Variants in MIAT observed in about 807,000 individuals in gnomAD.
MIAT encodes MI related novel mRNA.
At chr22:26,653,925 A>G (rs1930380059) in intron 2 of MIAT, among the ~76,000 whole-genome samples, 1 of 152,174 alleles carries the variant, frequency 6.6e-6, no homozygotes, top group Non-Finnish European at 1.5e-5. Flanking sequence ...TTTTTAGTAG[A>G]GACAGAGTTT....
At chr22:26,647,352 G>T in intron 2 of MIAT, 1 of 285,402 alleles carries the variant, frequency 3.5e-6, no homozygotes, top group African/African-American at 2.4e-5. Flanking sequence ...TTAGTTGTGG[G>T]GGCGGCGGGG....
chr22:26,672,560 T>C (rs1194182961), downstream of MIAT: 1 of 399,182 alleles, frequency 2.5e-6, no homozygotes, highest in Non-Finnish European at 4.4e-6. Context: ...GACTCTAGAC[T>C]GTGGAGCTCT....
exon 5 of MIAT, chr22:26,675,682 G>C (rs1931236379): frequency 2.5e-6 from 1 of 398,662 alleles, no homozygotes; most frequent in Non-Finnish European, 4.4e-6. Context: ...GTCATCCCAT[G>C]GTGGTGGGAA....
At chr22:26,664,556 C>T (rs528338607) in intron 3 of MIAT, among the ~76,000 whole-genome samples, 12 of 152,168 alleles carry the variant, frequency 7.9e-5, no homozygotes, top group Non-Finnish European at 1.6e-4. Context: ...TTTCTCATCT[C>T]GGTAGATTTT....
At chr22:26,671,863 C>T (rs962770117), downstream of MIAT, 2 of 398,428 alleles carry the variant, frequency 5.0e-6, no homozygotes, top group Admixed American at 4.4e-5. Context: ...TGGAGGAAGG[C>T]CCCTCAAACC....
downstream of MIAT, chr22:26,672,704 C>A (rs140227506): frequency 2.3e-5 from 9 of 399,070 alleles, no homozygotes; most frequent in East Asian, 2.5e-4. Flanking sequence ...GGGCGTGCCC[C>A]TCACCGGAAA....
chr22:26,674,286 T>C (rs1931178428), downstream of MIAT: 2 of 398,658 alleles, frequency 5.0e-6, no homozygotes, highest in African/African-American at 2.1e-5. Flanking sequence ...GAAGGGACTT[T>C]TGATCTCTTT....
downstream of MIAT, chr22:26,672,964 C>T (rs1017388810): frequency 1.8e-5 from 7 of 398,490 alleles, no homozygotes; most frequent in African/African-American, 1.4e-4. Context: ...TCTCTGGAGC[C>T]GAGAGAGGCC....
intron 2 of MIAT, among the ~76,000 whole-genome samples, chr22:26,654,480 T>C (rs1040819240): frequency 6.6e-6 from 1 of 152,208 alleles, no homozygotes; most frequent in Admixed American, 6.5e-5. Context: ...ATGGATCCCC[T>C]GTATTCAGTT....
At chr22:26,660,061 C>G (rs1327484731) in intron 2 of MIAT, among the ~76,000 whole-genome samples, 1 of 151,292 alleles carries the variant, frequency 6.6e-6, no homozygotes, top group Non-Finnish European at 1.5e-5. Context: ...GTCTCGAACT[C>G]CTCACCTCAA....
exon 6 of MIAT, chr22:26,668,915 T>G (rs553674629): frequency 7.8e-5 from 31 of 398,608 alleles, no homozygotes; most frequent in Non-Finnish European, 1.1e-4. Context: ...CTTTAAGAGA[T>G]AAGATTTAGG....
chr22:26,655,227 G>C (rs754761566), intron 2 of MIAT, among the ~76,000 whole-genome samples: 6 of 152,276 alleles, frequency 3.9e-5, no homozygotes, highest in Middle Eastern at 3.4e-3. Context: ...AATGGTCTTG[G>C]GCTGGGCACA....
chr22:26,659,836 CTTTCTTTT>C (rs1421167048), intron 2 of MIAT, among the ~76,000 whole-genome samples: 1 of 81,322 alleles, frequency 1.2e-5, no homozygotes, highest in African/African-American at 4.1e-5. Flanking sequence ...TTCTTTCTTT[CTTTCTTTT>C]TTTTTTTTTT....
At chr22:26,672,739 C>G (rs9625066), downstream of MIAT, 2 of 398,788 alleles carry the variant, frequency 5.0e-6, no homozygotes, top group East Asian at 7.1e-5. Flanking sequence ...TGTCCCACAC[C>G]GGAAGTCAGA....
chr22:26,661,913 GATCCATATATATATATATATAT>G (rs1930678684), intron 2 of MIAT, among the ~76,000 whole-genome samples: 1 of 91,624 alleles, frequency 1.1e-5, no homozygotes, highest in South Asian at 3.6e-4. Flanking sequence ...GATCTATATA[GATCCATATATATATATATATAT>G]ATATATATAT....
chr22:26,657,316 G>A (rs540824733), intron 2 of MIAT: 2 of 394,992 alleles, frequency 5.1e-6, no homozygotes, highest in South Asian at 1.4e-4. Flanking sequence ...CTCCAAGACC[G>A]GTTGCACCCC....
chr22:26,672,324 A>G (rs1023515567), downstream of MIAT: 6 of 399,002 alleles, frequency 1.5e-5, no homozygotes, highest in Non-Finnish European at 2.2e-5. Flanking sequence ...CAGATGTCCC[A>G]CTTTGCTGCC....
chr22:26,647,933 G>A (rs1248499424), intron 2 of MIAT, among the ~76,000 whole-genome samples: 1 of 152,076 alleles, frequency 6.6e-6, no homozygotes, highest in African/African-American at 2.4e-5. Flanking sequence ...ACTGGAGGAA[G>A]GGTGTTTTTG....
exon 4 of MIAT, chr22:26,666,586 G>C (rs976635501): frequency 2.5e-6 from 1 of 398,570 alleles, no homozygotes; most frequent in Non-Finnish European, 4.4e-6. Flanking sequence ...CTATCACCAA[G>C]CTGCTGAGTT....
Sources: allele counts gnomAD v4.1 joint callset (sites outside exome capture counted in the v4.1 genomes callset), GRCh38; gene constraint gnomAD v4.1.1; transcripts MANE v1.5; gene names NCBI Gene and HGNC (gene_info 2026-07-23, HGNC 2026-07-21).